SNRPA: variants seen among roughly 807,000 people sequenced by gnomAD.
SNRPA encodes small nuclear ribonucleoprotein polypeptide A.
In SNRPA, 10 loss-of-function variants were observed where a neutral mutation model predicts 24.5. The observed-to-expected ratio is 0.41, with a 90% CI of 0.25 to 0.69. SNRPA has a LOEUF of 0.69. Ranked by LOEUF, SNRPA falls within the 30% of genes least tolerant of loss-of-function variation. SNRPA has a pLI of 0.33. For missense variants in SNRPA, 283 were observed against 394.7 expected, an observed-to-expected ratio of 0.72 and a Z score of 2.40; for synonymous variants, 165 against 148.4, an observed-to-expected ratio of 1.11 and a Z score of -0.81.
In SNRPA at chr19:40,765,014, T is replaced by C; in HGVS notation, c.696T>C (p.Pro232=). The C allele has an allele frequency of 6.4e-7, 1 of 1,564,344 alleles. No individual in the cohort carries two copies. Among genetic ancestry groups the C allele is most frequent in the Non-Finnish European group, 8.6e-7 (1 of 1,157,724 alleles). ...GTCTGTCGTTCTCTTTCAGGTTCCC[T>C]GGCTTCAAGGAGGTCCGTCTGGTAC... ...LMLSMLFNQF[P]GFKEVRLVPG... The change falls in exon 6 of 6, where the codon CCT becomes CCC. Residue 232 remains proline (P), a synonymous_variant. Transcript: ENST00000243563.
At chr19:40,752,213 T>C (rs573875906) in intron 1 of SNRPA, among the ~76,000 whole-genome samples, 1 of 152,054 alleles carries the variant, frequency 6.6e-6, no homozygotes, top group Non-Finnish European at 1.5e-5. Flanking sequence ...GGCGCATGCC[T>C]ATAATCCCAG....
In SNRPA at chr19:40,757,074, G is replaced by A. The variant is rs1037068138; in HGVS notation, c.74-258G>A. The A allele has an allele frequency of 6.8e-5, 31 of 455,772 alleles. No homozygotes were observed. In the East Asian group the frequency reaches 1.3e-3, roughly 19 times the overall value. The allele number at this position is 455,772 out of a possible 1,614,324, so 28.2% of individuals were successfully genotyped here. On this transcript the variant is annotated intron_variant, in intron 1 of 5. Transcript: ENST00000243563. ...ATTTATCGAGTGTTTACTACGTGCC[G>A]GATGCTGTCCTGAGCACTTTGCATG... is the stretch of plus-strand genomic sequence containing the variant.
chr19:40,756,778 ACGT>A (rs1424250320), intron 1 of SNRPA, among the ~76,000 whole-genome samples: 1 of 152,094 alleles, frequency 6.6e-6, no homozygotes, highest in Non-Finnish European at 1.5e-5. Context: ...AGAAATTTAG[ACGT>A]CGTGGTCAGA....
chr19:40,757,645 T>A, intron 2 of SNRPA, 141 bp downstream of exon 2: 1 of 795,342 alleles, frequency 1.3e-6, no homozygotes, highest in Non-Finnish European at 1.9e-6. Flanking sequence ...TTGCCTCATT[T>A]AAAAATCTTT....
chr19:40,762,924 G>T lies in SNRPA; in HGVS notation c.450G>T (p.Ala150=). 1.9e-6 allele frequency: 3 copies of T among 1,613,640 alleles called. No homozygotes were observed. The highest frequency in any genetic ancestry group is 2.5e-6 in the Non-Finnish European group (3 of 1,179,950). ...PVPGMPPMTQ[A]PRIMHHMPGQ... ...AGGGCATGCCGCCGATGACTCAGGC[G>T]CCCCGCATTATGCACCACATGCCGG... is the stretch of plus-strand genomic sequence containing the variant. Residue 150 remains alanine, a synonymous_variant, in exon 4 of 6, where the codon GCG becomes GCT. Transcript: ENST00000243563.
intron 1 of SNRPA, among the ~76,000 whole-genome samples, chr19:40,755,266 T>C (rs1020651919): frequency 3.4e-5 from 5 of 146,842 alleles, no homozygotes; most frequent in South Asian, 2.2e-4. Flanking sequence ...TCTTTTTTTT[T>C]TTTTTTTTTT....
At position 40,754,197 on chromosome 19, in the gene SNRPA, G is replaced by A. The variant is rs145716323; in HGVS notation, c.73+2716G>A. Among the ~76,000 whole-genome samples, 1,096 of 144,794 alleles carry A rather than the reference G, an allele frequency of 7.6e-3. 18 individuals carry two copies. The highest frequency in any genetic ancestry group is 0.027 in the African/African-American group (1,070 of 39,964). 95.0% of individuals were successfully genotyped at this position (144,794 alleles called of 152,430 possible). ...CAGCTCACTGCAACCTCCGCCTCCC[G>A]AATTCAAGTGATTCTCTGCCTCAGC... On this transcript the variant is annotated intron_variant, in intron 1 of 5. Transcript: ENST00000243563.
At chr19:40,754,555 A>G (rs549040541) in intron 1 of SNRPA, among the ~76,000 whole-genome samples, 73 of 152,336 alleles carry the variant, frequency 4.8e-4, no homozygotes, top group African/African-American at 1.7e-3. Context: ...AGAGCCTGCC[A>G]GGTACAGTAA....
At chr19:40,757,043 T>A (rs922209282) in intron 1 of SNRPA, 1 of 355,060 alleles carries the variant, frequency 2.8e-6, no homozygotes, top group Admixed American at 4.5e-5. Flanking sequence ...GTGAAAAGAA[T>A]CACTCATTTA....
At chr19:40,754,493 C>T (rs891172828) in intron 1 of SNRPA, among the ~76,000 whole-genome samples, 6 of 152,060 alleles carry the variant, frequency 3.9e-5, no homozygotes, top group Admixed American at 6.6e-5. Context: ...GGATTGGGAA[C>T]TTAGAAAGAC....
intron 3 of SNRPA, among the ~76,000 whole-genome samples, chr19:40,759,866 GCT>G (rs1166105266): frequency 6.6e-6 from 1 of 151,938 alleles, no homozygotes; most frequent in African/African-American, 2.4e-5. Flanking sequence ...ACTTGGTTTC[GCT>G]CTCTCCGTGG....
intron 2 of SNRPA, among the ~76,000 whole-genome samples, chr19:40,758,053 A>G (rs923874422): frequency 6.6e-6 from 1 of 151,586 alleles, no homozygotes; most frequent in Non-Finnish European, 1.5e-5. Context: ...TGCAACCTCC[A>G]CCTCCCGGGT....
At chr19:40,753,237 C>G (rs2082891387) in intron 1 of SNRPA, among the ~76,000 whole-genome samples, 1 of 151,694 alleles carries the variant, frequency 6.6e-6, no homozygotes, top group East Asian at 2.0e-4. Flanking sequence ...CACCTACAGT[C>G]CCAGCTACTC....
chr19:40,753,387 T>G (rs1327401874), intron 1 of SNRPA, among the ~76,000 whole-genome samples: 7 of 23,210 alleles, frequency 3.0e-4, no homozygotes, highest in Admixed American at 5.9e-4. Flanking sequence ...TGCATATGTT[T>G]TTTTTTTTTT....
chr19:40,764,870 T>G, intron 5 of SNRPA, 138 bp from the exon 6 acceptor site: 1 of 731,792 alleles, frequency 1.4e-6, no homozygotes, highest in East Asian at 3.1e-5. Context: ...ATCTGCATTT[T>G]GGGCTGGATA....
chr19:40,758,218 C>G (rs1433198358), intron 2 of SNRPA, among the ~76,000 whole-genome samples: 2 of 152,106 alleles, frequency 1.3e-5, no homozygotes, highest in Admixed American at 1.3e-4. Context: ...CTGCCTGCCT[C>G]AGCCTCCCAA....
intron 1 of SNRPA, 128 bp downstream of exon 1, chr19:40,751,609 C>T: frequency 2.7e-6 from 2 of 740,046 alleles, no homozygotes; most frequent in South Asian, 1.5e-5. Context: ...TTGGCCTTTA[C>T]ACAAACTACT....
At chr19:40,759,715 A>AC in intron 3 of SNRPA, 105 bp downstream of exon 3, 1 of 994,914 alleles carries the variant, frequency 1.0e-6, no homozygotes, top group Non-Finnish European at 1.4e-6. Context: ...GGGGCTTCAG[A>AC]CCCCTCCTTT....
At chr19:40,757,942 AG>A (rs2082915335) in intron 2 of SNRPA, among the ~76,000 whole-genome samples, 1 of 149,426 alleles carries the variant, frequency 6.7e-6, no homozygotes, top group Non-Finnish European at 1.5e-5. Flanking sequence ...ACTCTGTCTC[AG>A]AAAAAATAAA....
Sources: gnomAD v4.1 joint callset for allele counts (sites outside exome capture counted in the v4.1 genomes callset) on GRCh38, gnomAD v4.1.1 for gene constraint, MANE v1.5 for transcripts, NCBI Gene and HGNC (gene_info 2026-07-23, HGNC 2026-07-21) for gene names.